Variants in JADE2 observed in about 807,000 individuals in gnomAD.
JADE2 encodes the protein jade family PHD finger 2.
In JADE2, 13 loss-of-function variants were observed where a neutral mutation model predicts 85.7. The observed-to-expected ratio is 0.15, with a 90% CI of 0.10 to 0.24. The LOEUF (loss-of-function observed/expected upper bound fraction) is 0.24. Among genes scored for constraint, JADE2 ranks in the 10% least tolerant of loss-of-function variants. The pLI is 1.00. For missense variants in JADE2, 846 were observed against 1,115.9 expected, an observed-to-expected ratio of 0.76 and a Z score of 3.45; for synonymous variants, 440 against 456.1, an observed-to-expected ratio of 0.96 and a Z score of 0.45.
intron 9 of JADE2, among the ~76,000 whole-genome samples, chr5:134,570,734 C>T (rs1333597008): frequency 6.6e-6 from 1 of 151,906 alleles, no homozygotes; most frequent in African/African-American, 2.4e-5. Context: ...TCCTGGTTTA[C>T]CCCCCTCCCT....
chr5:134,538,208 G>A, intron 3 of JADE2, 125 bp downstream of exon 3: 2 of 681,844 alleles, frequency 2.9e-6, no homozygotes, highest in Non-Finnish European at 2.6e-6. Flanking sequence ...GTGGCCGAGT[G>A]GAATGAAGGG....
intron 9 of JADE2, among the ~76,000 whole-genome samples, chr5:134,568,548 A>T (rs928385632): frequency 4.6e-5 from 7 of 151,784 alleles, no homozygotes; most frequent in South Asian, 2.1e-4. Context: ...GAACCGTCCC[A>T]CTCCTCCTCT....
chr5:134,532,574 C>T (rs1761313570), intron 1 of JADE2, among the ~76,000 whole-genome samples: 1 of 152,160 alleles, frequency 6.6e-6, no homozygotes, highest in Non-Finnish European at 1.5e-5. Flanking sequence ...ACTTTCTGTC[C>T]TCGAAAGCAA....
chr5:134,555,279 A>C (rs1461740381), intron 4 of JADE2, among the ~76,000 whole-genome samples: 1 of 152,210 alleles, frequency 6.6e-6, no homozygotes, highest in Admixed American at 6.5e-5. Flanking sequence ...CACTGGGGCC[A>C]GAAGTCTCAG....
intron 2 of JADE2, chr5:134,536,622 C>G (rs1761603499): frequency 6.6e-6 from 1 of 152,208 alleles, no homozygotes; most frequent in Non-Finnish European, 1.5e-5. Flanking sequence ...GGTACTAGGT[C>G]ATAAGGCAGC....
chr5:134,565,357 T>C, intron 8 of JADE2, among the ~76,000 whole-genome samples: 1 of 152,180 alleles, frequency 6.6e-6, no homozygotes, highest in Middle Eastern at 3.2e-3. Flanking sequence ...GACACAGTTA[T>C]CATCATCCAA....
intron 9 of JADE2, among the ~76,000 whole-genome samples, chr5:134,568,935 TA>T (rs1296711934): frequency 6.6e-6 from 1 of 152,258 alleles, no homozygotes; most frequent in East Asian, 1.9e-4. Context: ...AACTGGGCAC[TA>T]AGCCAGCCTG....
At chr5:134,570,597 G>A (rs920473089) in intron 9 of JADE2, among the ~76,000 whole-genome samples, 3 of 152,044 alleles carry the variant, frequency 2.0e-5, no homozygotes, top group African/African-American at 7.2e-5. Flanking sequence ...CTGCCACCTG[G>A]GCTGCCTGCA....
At position 134,573,752 on chromosome 5, in the gene JADE2, T is replaced by G; in HGVS notation, c.1542T>G (p.Asp514Glu). 5 of 1,607,924 alleles carry G rather than the reference T, an allele frequency of 3.1e-6. No homozygotes were observed. The highest frequency in any genetic ancestry group is 4.3e-6 in the Non-Finnish European group (5 of 1,174,358). Reference protein sequence around the residue: ...FHLQMKLIEQDLCRERSGRRA... With the variant: ...FHLQMKLIEQELCRERSGRRA... ...TGCAGATGAAACTTATTGAACAGGA[T>G]CTGTGTCGAGGTAGGCGCCTTCCCC... is the stretch of plus-strand genomic sequence containing the variant. The change falls in exon 10 of 12, where the codon GAT (aspartate) becomes GAG (glutamate). Residue 514 changes from aspartate (D) to glutamate (E), a missense_variant. Asp to Glu is a conservative substitution (Grantham distance 45, BLOSUM62 2). Around this residue, in one of 9 missense-constraint regions of JADE2, gnomAD observed 119 missense variants for 163.9 expected, o/e 0.73. Transcript: ENST00000681547.
At chr5:134,575,697 CAGG>C (rs1764317449) in intron 10 of JADE2, 1 of 146,644 alleles carries the variant, frequency 6.8e-6, no homozygotes, top group African/African-American at 2.5e-5. Flanking sequence ...CACTTGAAGC[CAGG>C]AGTTCCAGAC....
chr5:134,572,280 A>G (rs1764076024), intron 9 of JADE2, among the ~76,000 whole-genome samples: 1 of 152,196 alleles, frequency 6.6e-6, no homozygotes, highest in East Asian at 1.9e-4. Flanking sequence ...ACGGTCTTCG[A>G]GCTGAGGGCG....
At chr5:134,560,109 TC>T in intron 5 of JADE2, 119 bp downstream of exon 5, 2 of 1,133,064 alleles carry the variant, frequency 1.8e-6, no homozygotes, top group Non-Finnish European at 2.6e-6. Context: ...GGAGGGAGTC[TC>T]CATACTGCAT....
At chr5:134,540,526 G>A (rs1022704071) in intron 3 of JADE2, among the ~76,000 whole-genome samples, 2 of 151,982 alleles carry the variant, frequency 1.3e-5, no homozygotes, top group East Asian at 1.9e-4. Flanking sequence ...GAGCTACTGC[G>A]CCTAGCCTCA....
At chr5:134,569,720 TC>T (rs1463845697) in intron 9 of JADE2, among the ~76,000 whole-genome samples, 1 of 152,108 alleles carries the variant, frequency 6.6e-6, no homozygotes, top group East Asian at 1.9e-4. Context: ...TGGGACAACT[TC>T]CCAAGGAGGG....
At chr5:134,558,391 TC>T (rs1357939300) in intron 4 of JADE2, among the ~76,000 whole-genome samples, 1 of 146,144 alleles carries the variant, frequency 6.8e-6, no homozygotes. Context: ...TTTAATTAGA[TC>T]CCATTTGTCA....
intron 3 of JADE2, among the ~76,000 whole-genome samples, chr5:134,548,335 C>T (rs553720004): frequency 2.0e-5 from 3 of 152,328 alleles, no homozygotes; most frequent in East Asian, 1.9e-4. Flanking sequence ...ACTTCCAGCA[C>T]GCACACCTTG....
intron 1 of JADE2, chr5:134,526,865 G>C: frequency 2.8e-6 from 2 of 713,810 alleles, no homozygotes; most frequent in Non-Finnish European, 3.4e-6. Flanking sequence ...GAGGCGCTGG[G>C]AGAGTGGAAA....
intron 10 of JADE2, chr5:134,575,639 G>A (rs1764313926): frequency 6.6e-6 from 1 of 152,076 alleles, no homozygotes; most frequent in Non-Finnish European, 1.5e-5. Context: ...CAGGCACAGT[G>A]GCTCATGCCT....
At chr5:134,553,262 T>C (rs776480695) in intron 4 of JADE2, among the ~76,000 whole-genome samples, 3 of 150,754 alleles carry the variant, frequency 2.0e-5, no homozygotes, top group African/African-American at 7.3e-5. Flanking sequence ...TGAGCCACCA[T>C]GCCCAGTCCC....
Sources: allele counts gnomAD v4.1 joint callset (sites outside exome capture counted in the v4.1 genomes callset), GRCh38; gene constraint gnomAD v4.1.1; regional missense constraint gnomAD v4.1.1; transcripts MANE v1.5; gene names NCBI Gene and HGNC (gene_info 2026-07-23, HGNC 2026-07-21).